The following SLIT3 variants were observed in gnomAD, a reference collection of about 807,000 sequenced individuals.
SLIT3 encodes the protein slit homolog 3 protein.
In SLIT3, 68 loss-of-function variants were observed where a neutral mutation model predicts 184.0. The observed-to-expected ratio is 0.37, with a 90% CI of 0.30 to 0.45. The LOEUF (loss-of-function observed/expected upper bound fraction) is 0.45, where lower values mean the gene tolerates loss of function less well. Among genes scored for constraint, SLIT3 ranks in the 20% least tolerant of loss-of-function variants. SLIT3 has a pLI of 1.00. For missense variants in SLIT3, 1,707 were observed against 2,026.0 expected (o/e 0.84, Z 3.02); for synonymous variants, 831 against 828.6 (o/e 1.00, Z -0.05).
intron 20 of SLIT3, among the ~76,000 whole-genome samples, chr5:168,725,183 C>T (rs1338458313): frequency 6.6e-6 from 1 of 152,132 alleles, no homozygotes; most frequent in Non-Finnish European, 1.5e-5. Flanking sequence ...CAGATGGGGA[C>T]TCCTTCTGGA....
intron 4 of SLIT3, among the ~76,000 whole-genome samples, chr5:169,166,470 C>G (rs1762641073): frequency 6.6e-6 from 1 of 152,146 alleles, no homozygotes; most frequent in South Asian, 2.1e-4. Context: ...TCACACACAT[C>G]TCGGTCTGCA....
intron 4 of SLIT3, among the ~76,000 whole-genome samples, chr5:169,028,717 C>T (rs1399393598): frequency 6.6e-6 from 1 of 152,208 alleles, no homozygotes; most frequent in African/African-American, 2.4e-5. Flanking sequence ...AACCACTAAG[C>T]TAGCTAGACT....
rs1023540542 is a variant in SLIT3, at chr5:168,662,959, T to C, written c.*3495A>G. Reference sequence around the variant, plus strand: ...ATTTCGGGGAGAATTTTCTTAATGGTCCTTGCATTTGGCATTTCTTAAAGT... The same window carrying C: ...ATTTCGGGGAGAATTTTCTTAATGGCCCTTGCATTTGGCATTTCTTAAAGT... On this transcript the variant is annotated 3_prime_UTR_variant, in exon 36 of 36. Transcript: ENST00000519560. The C allele has an allele frequency of 4.6e-5, 7 of 152,406 alleles. No homozygotes were observed. The highest frequency in any genetic ancestry group is 1.7e-4 in the African/African-American group (7 of 41,592). 9.4% of individuals were successfully genotyped at this position (152,406 alleles called of 1,614,324 possible).
chr5:168,776,010 G>A (rs1421493067), intron 12 of SLIT3, among the ~76,000 whole-genome samples: 1 of 152,184 alleles, frequency 6.6e-6, no homozygotes, highest in Non-Finnish European at 1.5e-5. Context: ...ATGAAACTGG[G>A]GGAAGGGGAA....
At chr5:169,101,653 A>G (rs894361838) in intron 4 of SLIT3, among the ~76,000 whole-genome samples, 6 of 152,208 alleles carry the variant, frequency 3.9e-5, no homozygotes. Context: ...AGAATCTCTC[A>G]ATAATCTTGA....
intron 32 of SLIT3, among the ~76,000 whole-genome samples, chr5:168,675,753 G>C (rs554792275): frequency 6.6e-6 from 1 of 152,162 alleles, no homozygotes; most frequent in Non-Finnish European, 1.5e-5. Flanking sequence ...GGGAAAATGT[G>C]AGCAGTTATT....
chr5:168,888,338 G>T (rs914408968), intron 4 of SLIT3, among the ~76,000 whole-genome samples: 1 of 152,214 alleles, frequency 6.6e-6, no homozygotes, highest in Non-Finnish European at 1.5e-5. Flanking sequence ...CTCCATGAAT[G>T]CTGGGTATGG....
chr5:168,801,286 G>A (rs1195508320), intron 9 of SLIT3, among the ~76,000 whole-genome samples: 1 of 152,148 alleles, frequency 6.6e-6, no homozygotes, highest in Non-Finnish European at 1.5e-5. Flanking sequence ...CCAGCTCTCT[G>A]GTTCTGTTTG....
chr5:168,685,156 C>T (rs548463214), intron 31 of SLIT3, among the ~76,000 whole-genome samples: 47 of 152,146 alleles, frequency 3.1e-4, no homozygotes, highest in Non-Finnish European at 5.7e-4. Context: ...ACCATGTTGG[C>T]CAGGTTGGTC....
intron 5 of SLIT3, among the ~76,000 whole-genome samples, chr5:168,872,304 A>G (rs555114230): frequency 6.6e-6 from 1 of 152,344 alleles, no homozygotes; most frequent in African/African-American, 2.4e-5. Flanking sequence ...ACTATTCTGT[A>G]TAACACTGTA....
chr5:169,143,794 C>CA lies in SLIT3; in HGVS notation c.413+49684_413+49685insT, dbSNP rs1554101925. On this transcript the variant is annotated intron_variant, in intron 4 of 35. Transcript: ENST00000519560. The stretch of plus-strand genomic sequence containing the variant: ...CAGCCTGGGTGACAGAGCCAGAAAA[C>CA]GAAAAAAAACAACAAAAACAGTATG... 5.1e-4 allele frequency among the ~76,000 whole-genome samples: 76 copies of CA among 150,348 alleles called. 1 individual carries two copies. Among genetic ancestry groups the CA allele is most frequent in the Middle Eastern group, 3.4e-3 (1 of 294 alleles).
intron 35 of SLIT3, among the ~76,000 whole-genome samples, chr5:168,668,494 T>TCCCTGCAGAGGTC (rs1387446814): frequency 6.6e-6 from 1 of 152,200 alleles, no homozygotes; most frequent in African/African-American, 2.4e-5. Context: ...TCATGTGTTC[T>TCCCTGCAGAGGTC]CCCTGCAGAG....
intron 4 of SLIT3, among the ~76,000 whole-genome samples, chr5:168,991,646 T>TC: frequency 6.6e-6 from 1 of 152,236 alleles, no homozygotes; most frequent in South Asian, 2.1e-4. Flanking sequence ...AGGGAAAGCC[T>TC]CCCCCTTCTC....
In SLIT3 at chr5:168,708,143, G is replaced by A. The variant is rs749989779; in HGVS notation, c.2720-43C>T. 16 of 1,613,724 alleles carry A rather than the reference G, an allele frequency of 9.9e-6. No individual in the cohort carries two copies. The East Asian group carries it at 1.6e-4, about 16-fold the overall frequency. On this transcript the variant is annotated intron_variant, in intron 25 of 35. Transcript: ENST00000519560. ...AGTACTGATGGCAGGTCCTGAGTGC[G>A]CTCACTGCCATACCTCCCTTCCCCT...
chr5:169,079,464 G>A (rs1368014836), intron 4 of SLIT3, among the ~76,000 whole-genome samples: 7 of 117,014 alleles, frequency 6.0e-5, no homozygotes, highest in African/African-American at 2.3e-4. Flanking sequence ...CTTTGAGGTG[G>A]AAGATGGAGA....
At chr5:168,882,378 G>C (rs1040252177) in intron 5 of SLIT3, among the ~76,000 whole-genome samples, 5 of 152,208 alleles carry the variant, frequency 3.3e-5, no homozygotes, top group African/African-American at 1.2e-4. Flanking sequence ...TAAGGGGTCA[G>C]TAGGAGAAGC....
At chr5:169,256,258 T>C (rs1765956377) in intron 1 of SLIT3, among the ~76,000 whole-genome samples, 1 of 152,200 alleles carries the variant, frequency 6.6e-6, no homozygotes, top group South Asian at 2.1e-4. Context: ...AAGACTGGAC[T>C]GGGCAACATA....
intron 4 of SLIT3, among the ~76,000 whole-genome samples, chr5:168,990,187 G>T (rs952839319): frequency 6.6e-6 from 1 of 152,086 alleles, no homozygotes; most frequent in African/African-American, 2.4e-5. Context: ...TTGCACCCTT[G>T]GCAATTGCAG....
intron 6 of SLIT3, among the ~76,000 whole-genome samples, chr5:168,831,285 G>A (rs1317291154): frequency 6.6e-6 from 1 of 151,622 alleles, no homozygotes; most frequent in Non-Finnish European, 1.5e-5. Flanking sequence ...TATGAGGCGG[G>A]AGGAGTGAGA....
Sources: allele counts gnomAD v4.1 joint callset (sites outside exome capture counted in the v4.1 genomes callset), GRCh38; gene constraint gnomAD v4.1.1; transcripts MANE v1.5; gene names NCBI Gene and HGNC (gene_info 2026-07-23, HGNC 2026-07-21).